The following PCNX4 variants were observed in gnomAD, a reference collection of about 807,000 sequenced individuals.
PCNX4 encodes the protein pecanex 4, also known as pecanex-like protein 4.
In PCNX4, 103 loss-of-function variants were observed where a neutral mutation model predicts 107.2. The observed-to-expected ratio is 0.96, with a 90% CI of 0.82 to 1.13. The LOEUF (loss-of-function observed/expected upper bound fraction) is 1.13. Among genes scored for constraint, PCNX4 ranks in the 50% most tolerant of loss-of-function variants. The probability of loss-of-function intolerance (pLI) is 0.00; values close to 1 mark genes in which losing one functional copy is unlikely to be tolerated. For missense variants in PCNX4, 1,528 were observed against 1,379.4 expected (o/e 1.11, Z -1.71); for synonymous variants, 541 against 481.7 (o/e 1.12, Z -1.61).
intron 10 of PCNX4, among the ~76,000 whole-genome samples, chr14:60,127,752 T>A (rs930245741): frequency 2.6e-5 from 4 of 152,022 alleles, no homozygotes; most frequent in Admixed American, 1.3e-4. Flanking sequence ...AACCCATATA[T>A]CGGGGGAAAA....
intron 2 of PCNX4, chr14:60,109,713 TTACA>T (rs1895698399): frequency 6.0e-6 from 1 of 167,304 alleles, no homozygotes; most frequent in Non-Finnish European, 1.5e-5. Context: ...AGTTCTGGGA[TTACA>T]GGCTTGAGCC....
chr14:60,118,660 T>C lies in PCNX4; in HGVS notation c.1910T>C (p.Val637Ala), dbSNP rs764228067. 6.3e-7 allele frequency: 1 copy of C among 1,596,600 alleles called. No homozygotes were observed. Among genetic ancestry groups the C allele is most frequent in the Admixed American group, 1.7e-5 (1 of 58,348 alleles). The change falls in exon 7 of 11, where the codon GTA becomes GCA. Residue 637 changes from valine (V) to alanine (A), a missense_variant. Val to Ala is a moderately conservative substitution (Grantham distance 64). Coordinates refer to ENST00000406854, the MANE Select transcript of PCNX4 (RefSeq NM_001330177.2). ...YYQMVPRLTA[V>A]LQTAMAAGSL... ...CAAATGGTGCCCAGGTTGACTGCTG[T>C]ACTGCAGACTGCAATGGCAGCTGGA...
intron 10 of PCNX4, 94 bp downstream of exon 10, chr14:60,125,917 G>C: frequency 1.1e-5 from 9 of 805,718 alleles, no homozygotes; most frequent in Non-Finnish European, 1.6e-5. Flanking sequence ...ATGATATAAC[G>C]TTATAGCTGT....
At chr14:60,096,491 G>A (rs1895427784) in intron 1 of PCNX4, among the ~76,000 whole-genome samples, 1 of 152,182 alleles carries the variant, frequency 6.6e-6, no homozygotes, top group African/African-American at 2.4e-5. Context: ...AATGAAAAAG[G>A]TTTGCTGGTT....
intron 7 of PCNX4, 30 bp from the exon 8 acceptor site, chr14:60,121,166 T>TC: frequency 6.7e-7 from 1 of 1,482,802 alleles, no homozygotes. Context: ...ATTTTCTTTT[T>TC]TTTTTTTTTT....
chr14:60,117,521 C>T (rs760278418), intron 6 of PCNX4, among the ~76,000 whole-genome samples: 1 of 152,128 alleles, frequency 6.6e-6, no homozygotes, highest in African/African-American at 2.4e-5. Flanking sequence ...TATTAGTGAA[C>T]ATATGTTTTC....
At position 60,118,310 on chromosome 14, in the gene PCNX4, A is replaced by G; in HGVS notation, c.1579-19A>G. 1 of 1,543,328 alleles carries G rather than the reference A, an allele frequency of 6.5e-7. No individual in the cohort carries two copies. The highest frequency in any genetic ancestry group is 1.2e-5 in the South Asian group (1 of 80,726). ...AAATCTTCTAAGGATAAATAAAAAT[A>G]ATTTTTACATTTCTACAGGTTGGTA... On this transcript the variant is annotated intron_variant, in intron 6 of 10. Coordinates refer to ENST00000406854, the MANE Select transcript of PCNX4 (RefSeq NM_001330177.2).
In PCNX4 at chr14:60,125,182, CT is replaced by C; in HGVS notation, c.3013del (p.Trp1005GlyfsTer17). The C allele has an allele frequency of 6.2e-7, 1 of 1,611,244 alleles. No homozygotes were observed. The highest frequency in any genetic ancestry group is 8.5e-7 in the Non-Finnish European group (1 of 1,178,748). ...TTGAGAGTTTACGGTGGTGTTTTGC[CT>C]TGGTCTGTTGCTTTGGACTGGCTCA... ...HILRVYGGVL[P>X]WSVALDWLTE... On this transcript the variant is annotated frameshift_variant, in exon 9 of 11. Coordinates refer to ENST00000406854, the MANE Select transcript of PCNX4 (RefSeq NM_001330177.2). LOFTEE classifies it high-confidence loss of function.
At position 60,139,669 on chromosome 14, in the gene PCNX4, A is replaced by G. The variant is rs1358926399; in HGVS notation, c.*5448A>G. On this transcript the variant is annotated 3_prime_UTR_variant, in exon 11 of 11. Coordinates refer to ENST00000406854, the MANE Select transcript of PCNX4 (RefSeq NM_001330177.2). ...ATACACATTATTTTCAAATGCAGAT[A>G]GAATATTTATCAAAACTGACCATAT... is the stretch of plus-strand genomic sequence containing the variant. 6.6e-6 allele frequency: 1 copy of G among 152,178 alleles called. No homozygotes were observed. The highest frequency in any genetic ancestry group is 2.4e-5 in the African/African-American group (1 of 41,468). The allele number at this position is 152,178 out of a possible 1,614,324, so 9.4% of individuals were successfully genotyped here.
rs1489559163 is a variant in PCNX4, at chr14:60,137,535, A to G, written c.*3314A>G. 1 of 152,126 alleles carries G rather than the reference A, an allele frequency of 6.6e-6. No individual in the cohort carries two copies. The highest frequency in any genetic ancestry group is 6.5e-5 in the Admixed American group (1 of 15,268). The allele number at this position is 152,126 out of a possible 1,614,324, so 9.4% of individuals were successfully genotyped here. On this transcript the variant is annotated 3_prime_UTR_variant, in exon 11 of 11. Coordinates refer to ENST00000406854, the MANE Select transcript of PCNX4 (RefSeq NM_001330177.2). ...TTTTGAGTTATTTTTATAACTTTTC[A>G]TGTTTAGTGTTGGAAAGTTATTTAA...
At chr14:60,101,169 C>T (rs940315720) in intron 1 of PCNX4, among the ~76,000 whole-genome samples, 1 of 152,170 alleles carries the variant, frequency 6.6e-6, no homozygotes, top group East Asian at 1.9e-4. Context: ...GAAGCCCCTT[C>T]TTTGAGTTGT....
At chr14:60,110,177 AAGTGGTTGG>A (rs1401500641) in intron 2 of PCNX4, 2 of 167,178 alleles carry the variant, frequency 1.2e-5, no homozygotes, top group Admixed American at 6.5e-5. Flanking sequence ...GTTTGAATTG[AAGTGGTTGG>A]AGACAGGAAG....
chr14:60,101,337 G>A (rs987319283), intron 1 of PCNX4, among the ~76,000 whole-genome samples: 2 of 152,088 alleles, frequency 1.3e-5, no homozygotes, highest in African/African-American at 2.4e-5. Context: ...CTCATATTTG[G>A]CTCAGAATAA....
At chr14:60,118,114 A>G (rs1293288803) in intron 6 of PCNX4, among the ~76,000 whole-genome samples, 1 of 135,302 alleles carries the variant, frequency 7.4e-6, no homozygotes, top group African/African-American at 3.2e-5. Flanking sequence ...CTTTAGTGTT[A>G]CTGTTTTTTT....
At position 60,121,181 on chromosome 14, in the gene PCNX4, T is replaced by TTTTTTTTTTTTTTTTTTTTTTC. The variant is rs1555330600; in HGVS notation, c.1943-15_1943-14insTTTTTTTTTTTTTTTTTTTTTC. On this transcript the variant is annotated splice_polypyrimidine_tract_variant and intron_variant, in intron 7 of 10. Coordinates refer to ENST00000406854, the MANE Select transcript of PCNX4 (RefSeq NM_001330177.2). ...ATTTTCTTTTTTTTTTTTTTTTTTT[T>TTTTTTTTTTTTTTTTTTTTTTC]CTAATTTGTTGTAGGTCTCCTCCTA... is the stretch of plus-strand genomic sequence containing the variant. 1.3e-6 allele frequency: 2 copies of TTTTTTTTTTTTTTTTTTTTTTC among 1,523,468 alleles called. No homozygotes were observed. The highest frequency in any genetic ancestry group is 1.8e-6 in the Non-Finnish European group (2 of 1,139,382). 94.4% of individuals were successfully genotyped at this position (1,523,468 alleles called of 1,614,324 possible).
chr14:60,134,211 AT>A lies in PCNX4; in HGVS notation c.3512del (p.Leu1171CysfsTer21). On this transcript the variant is annotated frameshift_variant, in exon 11 of 11. Transcript: ENST00000406854. LOFTEE classifies it high-confidence loss of function. ...TATTCTTCAAAACCTCTCCACATAC[AT>A]TTGTATTAGAGCTCATTTTGACTGT... ...PIYSSKPLHI[H>X]LY 6.2e-7 allele frequency: 1 copy of A among 1,613,450 alleles called. No individual in the cohort carries two copies. Among genetic ancestry groups the A allele is most frequent in the East Asian group, 2.2e-5 (1 of 44,860 alleles).
intron 10 of PCNX4, among the ~76,000 whole-genome samples, chr14:60,127,620 A>C (rs1307728016): frequency 6.6e-6 from 1 of 152,212 alleles, no homozygotes; most frequent in African/African-American, 2.4e-5. Context: ...AAACAAGTAC[A>C]TAATAATAAC....
chr14:60,110,070 CA>C (rs1895711985), intron 2 of PCNX4: 1 of 167,048 alleles, frequency 6.0e-6, no homozygotes, highest in African/African-American at 2.4e-5. Flanking sequence ...TATTGTAAAA[CA>C]TGAGAAAGCA....
intron 1 of PCNX4, among the ~76,000 whole-genome samples, chr14:60,092,855 C>A (rs76205192): frequency 0.015 from 2,213 of 152,320 alleles, 54 homozygotes; most frequent in African/African-American, 0.051. Context: ...CTTGTCTCTC[C>A]AGGACCAGAA....
Sources: gnomAD v4.1 joint callset for allele counts (sites outside exome capture counted in the v4.1 genomes callset) on GRCh38, gnomAD v4.1.1 for gene constraint, MANE v1.5 for transcripts, NCBI Gene and HGNC (gene_info 2026-07-23, HGNC 2026-07-21) for gene names.